The following PRDM15 variants were observed in gnomAD, a reference collection of about 807,000 sequenced individuals.
PRDM15 encodes the protein PR domain zinc finger protein 15.
In PRDM15, 64 loss-of-function variants were observed where a neutral mutation model predicts 128.6. The ratio of observed to expected loss-of-function variants is 0.50; its 90% CI spans 0.41 to 0.61. PRDM15 has a LOEUF of 0.61. Among genes scored for constraint, PRDM15 ranks in the 20% least tolerant of loss-of-function variants. PRDM15 has a pLI of 0.00. For synonymous variants in PRDM15, 615 were observed against 621.8 expected, an observed-to-expected ratio of 0.99 and a Z score of 0.16; for missense variants, 1,242 against 1,569.1, an observed-to-expected ratio of 0.79 and a Z score of 3.52.
intron 12 of PRDM15, 126 bp from the exon 13 acceptor site, chr21:41,826,180 AG>A: frequency 1.4e-6 from 1 of 701,828 alleles, no homozygotes; most frequent in South Asian, 1.7e-5. Flanking sequence ...CAGTGGGGAC[AG>A]AAGCGTGGCA....
rs763424243 is a variant in PRDM15 at position 41,854,520 on chromosome 21, C to T, written c.538+46G>A. 11 of 1,604,502 alleles carry T rather than the reference C, an allele frequency of 6.9e-6. No homozygotes were observed. Among genetic ancestry groups the T allele is most frequent in the South Asian group, 4.4e-5 (4 of 90,718 alleles). ...AGCCAAGGGACCATAACCCCTTCGG[C>T]GAGGCACAAGGGAAGGTGGGCTCCG... On this transcript the variant is annotated intron_variant, in intron 5 of 23. Coordinates refer to ENST00000398548, the MANE Select transcript of PRDM15 (RefSeq NM_001040424.3). This position sits in a 1 kb window ranked among gnomAD's most constrained non-coding sequence, Gnocchi z 4.6.
intron 21 of PRDM15, among the ~76,000 whole-genome samples, chr21:41,806,201 CCAT>C (rs766788785): frequency 0.022 from 84 of 3,756 alleles, 20 homozygotes; most frequent in Non-Finnish European, 0.036. Context: ...ACCACCACCA[CCAT>C]CACCATCACC....
chr21:41,857,300 C>A lies in PRDM15; in HGVS notation c.161G>T (p.Arg54Ile). The stretch of plus-strand genomic sequence containing the variant: ...CCCCTCGGCTCCATCTTCCAGTCGT[C>A]TGATCTCCAAGTTGGGAGGAAGGGA... ...RSSLPPNLEI[R>I]RLEDGAEGVF... Residue 54 changes from arginine (R) to isoleucine (I), a missense_variant, in exon 4 of 24, where the codon AGA (arginine) becomes ATA (isoleucine). Physicochemically the swap from Arg to Ile is moderately conservative, Grantham distance 97 (BLOSUM62 -3). Coordinates refer to ENST00000398548, the MANE Select transcript of PRDM15 (RefSeq NM_001040424.3). 1 of 1,613,912 alleles carries A rather than the reference C, an allele frequency of 6.2e-7. No homozygotes were observed. Among genetic ancestry groups the A allele is most frequent in the Non-Finnish European group, 8.5e-7 (1 of 1,180,014 alleles).
At chr21:41,856,345 CCT>C (rs1208801622) in intron 4 of PRDM15, among the ~76,000 whole-genome samples, 1 of 147,428 alleles carries the variant, frequency 6.8e-6, no homozygotes, top group African/African-American at 2.5e-5. Context: ...CTTCTTCCCC[CCT>C]TTTTGCTGAA....
In PRDM15 at chr21:41,854,916, C is replaced by G; in HGVS notation, c.286-98G>C. ...GCAGGTGCTGAGGAACCCATCTAGA[C>G]AGTGCCACGTCAGAGGCCATAAGGG... On this transcript the variant is annotated intron_variant, in intron 4 of 23. Transcript: ENST00000398548. The surrounding 1 kb of genome is among the most constrained non-coding windows in gnomAD (Gnocchi z 4.6). 1.5e-6 allele frequency: 2 copies of G among 1,377,648 alleles called. No individual in the cohort carries two copies. The highest frequency in any genetic ancestry group is 2.0e-6 in the Non-Finnish European group (2 of 1,020,430). 85.3% of individuals were successfully genotyped at this position (1,377,648 alleles called of 1,614,324 possible).
At position 41,831,245 on chromosome 21, in the gene PRDM15, T is replaced by A. The variant is rs367757300; in HGVS notation, c.1367-2912A>T. 2.6e-4 allele frequency among the ~76,000 whole-genome samples: 40 copies of A among 152,248 alleles called. 1 individual carries two copies. The South Asian group carries it at 7.9e-3, about 30-fold the overall frequency. On this transcript the variant is annotated intron_variant, in intron 11 of 23. Transcript: ENST00000398548. ...GCTGCCCGAGGGAGCCGCCACAGAG[T>A]GTCTCAGGGTCCCCCTGTCTAGGGT...
chr21:41,805,820 TACCAAC>T (rs1227572320), intron 21 of PRDM15, among the ~76,000 whole-genome samples: 1 of 54,380 alleles, frequency 1.8e-5, no homozygotes, highest in Non-Finnish European at 4.0e-5. Context: ...CCATCACCAT[TACCAAC>T]ACCATCACCA....
Position 41,858,880 on chromosome 21 carries a change from C to T in PRDM15, c.131+712G>A, listed in dbSNP as rs1161501020. 5 of 601,988 alleles carry T rather than the reference C, an allele frequency of 8.3e-6. No homozygotes were observed. The East Asian group carries it at 1.1e-4, about 14-fold the overall frequency. The allele number at this position is 601,988 out of a possible 1,614,324, so 37.3% of individuals were successfully genotyped here. ...GTGTTGTGGGGCAGTGGGGAGGCTC[C>T]TGGAAACAGTTCTGGAAAGACGGCG... is the stretch of plus-strand genomic sequence containing the variant. On this transcript the variant is annotated intron_variant, in intron 3 of 23. Coordinates refer to ENST00000398548, the MANE Select transcript of PRDM15 (RefSeq NM_001040424.3).
Position 41,857,262 on chromosome 21 carries a change from T to C in PRDM15, c.199A>G (p.Thr67Ala), listed in dbSNP as rs1288167544. Reference protein sequence around the residue: ...EDGAEGVFAITQLVKRTQFGP... With the variant: ...EDGAEGVFAIAQLVKRTQFGP... ...AACTGTGTCCGCTTGACGAGCTGAGTGATGGCGAACACCCCCTCGGCTCCA... is the reference window on the plus strand; with the variant it reads ...AACTGTGTCCGCTTGACGAGCTGAGCGATGGCGAACACCCCCTCGGCTCCA... Residue 67 changes from threonine to alanine, a missense_variant, in exon 4 of 24, where the codon ACT becomes GCT. Physicochemically the swap from Thr to Ala is moderately conservative, Grantham distance 58. Coordinates refer to ENST00000398548, the MANE Select transcript of PRDM15 (RefSeq NM_001040424.3). 1.2e-6 allele frequency: 2 copies of C among 1,613,728 alleles called. No individual in the cohort carries two copies. Among genetic ancestry groups the C allele is most frequent in the African/African-American group, 1.3e-5 (1 of 74,858 alleles).
chr21:41,879,229 C>T lies in PRDM15; in HGVS notation c.-10+41G>A, dbSNP rs1253921795. ...GGTGCGGCCCGGGGCCGGCGGGGCG[C>T]ACGCCGGGGCGGGCGGCGGGCGCAG... On this transcript the variant is annotated intron_variant, in intron 1 of 23. Coordinates refer to ENST00000398548, the MANE Select transcript of PRDM15 (RefSeq NM_001040424.3). This position sits in a 1 kb window ranked among gnomAD's most constrained non-coding sequence, Gnocchi z 5.1. 3.5e-5 allele frequency: 29 copies of T among 839,080 alleles called. No individual in the cohort carries two copies. Among genetic ancestry groups the T allele is most frequent in the Middle Eastern group, 1.2e-3 (2 of 1,730 alleles). 52.0% of individuals were successfully genotyped at this position (839,080 alleles called of 1,614,324 possible). A position where few individuals can be genotyped will look rare whatever the true frequency, so the allele number is the denominator to read the frequency against.
chr21:41,837,978 C>T lies in PRDM15; in HGVS notation c.957G>A (p.Leu319=). The T allele has an allele frequency of 1.9e-6, 3 of 1,614,198 alleles. No homozygotes were observed. The highest frequency in any genetic ancestry group is 1.1e-5 in the South Asian group (1 of 91,086). ...CAGTGGTGGTGGTGGCCAGCTTCCC[C>T]AGAACCAGCTCCATGATCCGCTCAT... ...TPDERIMELV[L]GKLATTTTDT... The change falls in exon 8 of 24, where the codon CTG becomes CTA. Residue 319 remains leucine (L), a synonymous_variant. Coordinates refer to ENST00000398548, the MANE Select transcript of PRDM15 (RefSeq NM_001040424.3).
At chr21:41,835,062 G>A (rs900057064) in intron 11 of PRDM15, among the ~76,000 whole-genome samples, 6 of 152,066 alleles carry the variant, frequency 3.9e-5, no homozygotes, top group African/African-American at 7.2e-5. Context: ...AGCGAGGAGC[G>A]CTCACACTCC....
In PRDM15 at chr21:41,810,172, C is replaced by T; in HGVS notation, c.2634G>A (p.Met878Ile). Reference protein sequence around the residue: ...VSTRASMSRHMRRKHPEVLAV... With the variant: ...VSTRASMSRHIRRKHPEVLAV... ...AGCTCACCTCGGGGTGCTTGCGCCG[C>T]ATGTGTCGGCTCATGGAGGCCCTGG... Residue 878 changes from methionine to isoleucine, a missense_variant, in exon 21 of 24, where the codon ATG (methionine) becomes ATA (isoleucine). Physicochemically the swap from Met to Ile is conservative, Grantham distance 10. This residue lies in a region of PRDM15 where 602 missense variants were observed against 788.3 expected (regional missense o/e 0.76). Transcript: ENST00000398548. This position sits in a 1 kb window ranked among gnomAD's most constrained non-coding sequence, Gnocchi z 6.4. 2 of 1,610,160 alleles carry T rather than the reference C, an allele frequency of 1.2e-6. No individual in the cohort carries two copies. Among genetic ancestry groups the T allele is most frequent in the South Asian group, 1.1e-5 (1 of 91,052 alleles).
At chr21:41,823,812 T>C (rs2062371436) in intron 13 of PRDM15, among the ~76,000 whole-genome samples, 1 of 152,218 alleles carries the variant, frequency 6.6e-6, no homozygotes, top group African/African-American at 2.4e-5. Flanking sequence ...TGAAAGGAGA[T>C]ATCAAAAAAG....
intron 6 of PRDM15, 107 bp downstream of exon 6, chr21:41,846,983 G>A: frequency 1.3e-6 from 1 of 741,822 alleles, no homozygotes; most frequent in East Asian, 2.7e-5. Flanking sequence ...GGGGCAGACA[G>A]GACAAAGTCT....
Position 41,861,824 on chromosome 21 carries a change from A to G in PRDM15, c.-9-1452T>C, listed in dbSNP as rs969668084. On this transcript the variant is annotated intron_variant, in intron 1 of 23. Transcript: ENST00000398548. Reference sequence around the variant, plus strand: ...GCTACAAGGAAGTGAGGCAGAGGAAAGAGAGTTCCAATTTGCCCTTAAAAT... The same window carrying G: ...GCTACAAGGAAGTGAGGCAGAGGAAGGAGAGTTCCAATTTGCCCTTAAAAT... 2.5e-6 allele frequency: 4 copies of G among 1,586,326 alleles called. No individual in the cohort carries two copies. In the African/African-American group the frequency reaches 5.4e-5, roughly 21 times the overall value.
intron 5 of PRDM15, among the ~76,000 whole-genome samples, chr21:41,850,021 T>C (rs2063379596): frequency 6.6e-6 from 1 of 152,252 alleles, no homozygotes. Flanking sequence ...AGTGATGCTA[T>C]ATGTGACTGA....
At chr21:41,824,818 A>T (rs1242270212) in intron 13 of PRDM15, among the ~76,000 whole-genome samples, 2 of 152,246 alleles carry the variant, frequency 1.3e-5, no homozygotes, top group African/African-American at 4.8e-5. Context: ...GTTTGAAAAA[A>T]ATCAGGAAAT....
chr21:41,805,487 T>C (rs117862621), intron 21 of PRDM15, among the ~76,000 whole-genome samples: 567 of 152,288 alleles, frequency 3.7e-3, no homozygotes, highest in Non-Finnish European at 6.2e-3. Context: ...AAGTGCATCA[T>C]TAAATTTACA....
Sources: gnomAD v4.1 joint callset for allele counts (sites outside exome capture counted in the v4.1 genomes callset) on GRCh38, gnomAD v4.1.1 for gene constraint, gnomAD v4.1.1 regional missense constraint, Gnocchi (gnomAD v3.1) non-coding constraint, MANE v1.5 for transcripts, NCBI Gene and HGNC (gene_info 2026-07-23, HGNC 2026-07-21) for gene names.